Variants in PRKN observed in about 807,000 individuals in gnomAD.
The protein encoded by PRKN is E3 ubiquitin-protein ligase parkin.
Under a neutral mutation model 59.5 loss-of-function variants are expected in PRKN, and 56 were observed. The observed-to-expected ratio is 0.94, with a 90% CI of 0.76 to 1.18. The LOEUF (loss-of-function observed/expected upper bound fraction) is 1.18. PRKN is among the 50% of genes most tolerant of loss of function. The pLI, the probability that PRKN is intolerant of heterozygous loss-of-function variation, is 0.00. For synonymous variants in PRKN, 250 were observed against 222.1 expected (o/e 1.13, Z -1.12); for missense variants, 657 against 596.4 (o/e 1.10, Z -1.06).
intron 6 of PRKN, among the ~76,000 whole-genome samples, chr6:161,830,288 G>A (rs561148010): frequency 1.8e-4 from 27 of 149,024 alleles, no homozygotes; most frequent in Non-Finnish European, 2.8e-4. Flanking sequence ...GTCTCGCTCT[G>A]TTGCCCAGGC....
At chr6:161,861,486 T>C (rs1384067642) in intron 6 of PRKN, among the ~76,000 whole-genome samples, 1 of 152,092 alleles carries the variant, frequency 6.6e-6, no homozygotes, top group African/African-American at 2.4e-5. Context: ...GTGGGGCTTA[T>C]AACCTAGATG....
intron 2 of PRKN, among the ~76,000 whole-genome samples, chr6:162,402,951 C>T (rs1430102681): frequency 1.3e-5 from 2 of 152,004 alleles, no homozygotes; most frequent in Non-Finnish European, 2.9e-5. Flanking sequence ...CCCTGTCATG[C>T]ATATATTTCT....
chr6:161,535,659 G>C (rs979756411), intron 9 of PRKN, among the ~76,000 whole-genome samples: 4 of 152,208 alleles, frequency 2.6e-5, no homozygotes, highest in Non-Finnish European at 5.9e-5. Flanking sequence ...GTACGATGTT[G>C]TGTGCTACTT....
intron 7 of PRKN, among the ~76,000 whole-genome samples, chr6:161,601,754 T>G (rs1357182798): frequency 6.6e-6 from 1 of 151,992 alleles, no homozygotes; most frequent in Admixed American, 6.6e-5. Flanking sequence ...GGCTAATTTT[T>G]TGTATTTTTA....
intron 6 of PRKN, 72 bp downstream of exon 6, chr6:161,973,230 G>A (rs1780890971): frequency 1.1e-6 from 1 of 948,336 alleles, no homozygotes; most frequent in Non-Finnish European, 1.7e-6. Context: ...AGTAAGGAGG[G>A]GGGAGTGATG....
Position 161,621,424 on chromosome 6 carries a change from C to A in PRKN, c.872-52008G>T, listed in dbSNP as rs139210582. Among the ~76,000 whole-genome samples, 243 of 152,108 alleles carry A rather than the reference C, an allele frequency of 1.6e-3. 1 individual carries two copies. The highest frequency in any genetic ancestry group is 3.3e-3 in the Admixed American group (51 of 15,288). ...GGGTGCTGATGAAAGTCCTTGAGTC[C>A]CAAGGCTGGGGGTCCTGGGGTCCTG... On this transcript the variant is annotated intron_variant, in intron 7 of 11. Transcript: ENST00000366898.
At chr6:162,276,855 T>A (rs1373576031) in intron 2 of PRKN, among the ~76,000 whole-genome samples, 1 of 152,152 alleles carries the variant, frequency 6.6e-6, no homozygotes, top group Non-Finnish European at 1.5e-5. Context: ...TACAGTAACC[T>A]CACGTGTGGA....
intron 9 of PRKN, among the ~76,000 whole-genome samples, chr6:161,403,894 T>C (rs1012159585): frequency 6.6e-6 from 1 of 152,196 alleles, no homozygotes; most frequent in African/African-American, 2.4e-5. Context: ...CCCTTCTGCC[T>C]ATCTGCTGTG....
At chr6:162,358,304 G>A (rs1784962825) in intron 2 of PRKN, among the ~76,000 whole-genome samples, 1 of 151,984 alleles carries the variant, frequency 6.6e-6, no homozygotes, top group African/African-American at 2.4e-5. Flanking sequence ...TTTTTCACTT[G>A]CCATACTGAA....
At chr6:161,741,300 C>T (rs746064695) in intron 7 of PRKN, among the ~76,000 whole-genome samples, 2 of 152,124 alleles carry the variant, frequency 1.3e-5, no homozygotes, top group Non-Finnish European at 2.9e-5. Context: ...TCTCCGAGGA[C>T]CTGATTCAAA....
chr6:162,175,030 G>A (rs763269932), intron 4 of PRKN, among the ~76,000 whole-genome samples: 8 of 152,170 alleles, frequency 5.3e-5, no homozygotes, highest in African/African-American at 9.7e-5. Context: ...AAAGAGACAA[G>A]GGGGACTTCA....
chr6:162,588,849 C>T (rs896914732), intron 1 of PRKN, among the ~76,000 whole-genome samples: 1 of 152,130 alleles, frequency 6.6e-6, no homozygotes, highest in Admixed American at 6.5e-5. Context: ...CCGCGCCCGG[C>T]CCAGAGCTCA....
At chr6:161,367,787 A>G (rs1481585689) in intron 10 of PRKN, among the ~76,000 whole-genome samples, 1 of 152,166 alleles carries the variant, frequency 6.6e-6, no homozygotes, top group African/African-American at 2.4e-5. Flanking sequence ...AGAAGTAAGG[A>G]CGCTTCTGTT....
chr6:161,849,034 C>T (rs1793313810), intron 6 of PRKN, among the ~76,000 whole-genome samples: 1 of 152,128 alleles, frequency 6.6e-6, no homozygotes. Flanking sequence ...GACTGTTAGC[C>T]CTCGAGGCAG....
rs990461242 is a variant in PRKN at position 161,397,921 on chromosome 6, T to C, written c.1084-11044A>G. 2.0e-5 allele frequency among the ~76,000 whole-genome samples: 3 copies of C among 152,032 alleles called. No homozygotes were observed. The highest frequency in any genetic ancestry group is 7.3e-5 in the African/African-American group (3 of 41,376). On this transcript the variant is annotated intron_variant, in intron 9 of 11. Transcript: ENST00000366898. The surrounding 1 kb of genome is among the most constrained non-coding windows in gnomAD (Gnocchi z 4.2). The stretch of plus-strand genomic sequence containing the variant: ...TCAGAGGCTAAGATCACAGGCATGA[T>C]GGGGTGGAAAAGGCTTCACAACAGA...
chr6:162,121,643 A>G (rs1024364192), intron 4 of PRKN, among the ~76,000 whole-genome samples: 1 of 152,200 alleles, frequency 6.6e-6, no homozygotes, highest in African/African-American at 2.4e-5. Context: ...TATGACAAAC[A>G]GAGGTTCTGT....
intron 1 of PRKN, among the ~76,000 whole-genome samples, chr6:162,444,870 C>A (rs1320395600): frequency 6.6e-6 from 1 of 152,118 alleles, no homozygotes; most frequent in Non-Finnish European, 1.5e-5. Context: ...ATCTTGAAAA[C>A]ATAAATAAAC....
intron 6 of PRKN, among the ~76,000 whole-genome samples, chr6:161,944,080 G>A (rs1301251292): frequency 2.2e-5 from 3 of 138,276 alleles, no homozygotes; most frequent in Non-Finnish European, 4.9e-5. Context: ...ATCAGCCTGA[G>A]GGACCAGCCT....
At chr6:162,527,175 A>C (rs1353297406) in intron 1 of PRKN, among the ~76,000 whole-genome samples, 3 of 152,204 alleles carry the variant, frequency 2.0e-5, no homozygotes. Context: ...ACTTTGCTTC[A>C]GAGGGCAGTT....
Sources: allele counts gnomAD v4.1 joint callset (sites outside exome capture counted in the v4.1 genomes callset), GRCh38; gene constraint gnomAD v4.1.1; non-coding constraint Gnocchi (gnomAD v3.1); transcripts MANE v1.5; gene names NCBI Gene and HGNC (gene_info 2026-07-23, HGNC 2026-07-21).